Variants in FBN2 observed in about 807,000 individuals in gnomAD.
FBN2 encodes the protein fibrillin-2.
FBN2 carries 105 observed loss-of-function variants against 355.6 expected under a neutral mutation model. The ratio of observed to expected loss-of-function variants is 0.30; its 90% confidence interval spans 0.25 to 0.35. FBN2 has a LOEUF of 0.35. FBN2 is among the 10% of genes least tolerant of loss of function. The probability of loss-of-function intolerance (pLI) is 1.00; values close to 1 mark genes in which losing one functional copy is unlikely to be tolerated. For missense variants in FBN2, 3,280 were observed against 3,758.7 expected (o/e 0.87, Z 3.33); for synonymous variants, 1,350 against 1,301.2 (o/e 1.04, Z -0.81).
At chr5:128,290,004 TAAG>T (rs1749276509) in intron 50 of FBN2, 57 bp from the exon 51 acceptor site, 2 of 981,326 alleles carry the variant, frequency 2.0e-6, no homozygotes, top group South Asian at 2.6e-5. Context: ...TCAAAGAACT[TAAG>T]AAAGGATGAA....
Position 128,309,990 on chromosome 5 carries a change from G to A in FBN2, c.5193C>T (p.Asn1731=). 2.5e-6 allele frequency: 4 copies of A among 1,613,882 alleles called. No individual in the cohort carries two copies. The South Asian group carries it at 4.4e-5, about 18-fold the overall frequency. ...PEYMQVNGGH[N]CMDMRKSFCY... ...TCAGAGTTCTTTACCTACCCATGCA[G>A]TTGTGGCCTCCATTGACCTGCATGT... The change falls in exon 40 of 65, where the codon AAC becomes AAT. Residue 1731 remains asparagine (N), a synonymous_variant. Coordinates refer to ENST00000262464, the MANE Select transcript of FBN2 (RefSeq NM_001999.4).
intron 19 of FBN2, among the ~76,000 whole-genome samples, chr5:128,361,339 A>T (rs1426815193): frequency 1.3e-5 from 2 of 152,234 alleles, no homozygotes; most frequent in African/African-American, 4.8e-5. Flanking sequence ...CCTAAGAGTT[A>T]ACTTTTCCAT....
chr5:128,288,771 C>T (rs1031540601), intron 52 of FBN2, among the ~76,000 whole-genome samples: 5 of 152,204 alleles, frequency 3.3e-5, no homozygotes, highest in African/African-American at 1.2e-4. Flanking sequence ...CAGCAATACT[C>T]GCCCTAAAGA....
At chr5:128,419,950 C>A (rs1035512367) in intron 7 of FBN2, among the ~76,000 whole-genome samples, 10 of 152,304 alleles carry the variant, frequency 6.6e-5, no homozygotes, top group Non-Finnish European at 1.0e-4. Flanking sequence ...CCACCTTGGC[C>A]TCCCAAAGTG....
intron 5 of FBN2, among the ~76,000 whole-genome samples, chr5:128,492,386 C>A (rs1755532110): frequency 6.6e-6 from 1 of 152,110 alleles, no homozygotes; most frequent in Non-Finnish European, 1.5e-5. Flanking sequence ...ATTAAGGAGA[C>A]CTCTGAATTA....
intron 27 of FBN2, among the ~76,000 whole-genome samples, chr5:128,336,691 T>A (rs1423092835): frequency 6.6e-6 from 1 of 152,218 alleles, no homozygotes; most frequent in Non-Finnish European, 1.5e-5. Flanking sequence ...GTCGGGATAG[T>A]AATCTACAAA....
At chr5:128,289,033 TCCC>T (rs903847422) in intron 52 of FBN2, 91 bp downstream of exon 52, 3 of 1,302,986 alleles carry the variant, frequency 2.3e-6, no homozygotes, top group Non-Finnish European at 3.3e-6. Context: ...GATTTGTAAA[TCCC>T]CCCATCACCC....
intron 5 of FBN2, among the ~76,000 whole-genome samples, chr5:128,477,813 G>A (rs1198096277): frequency 1.3e-5 from 2 of 152,204 alleles, no homozygotes; most frequent in Non-Finnish European, 2.9e-5. Flanking sequence ...GTGCGAGGGG[G>A]CTGGGGGGAG....
In FBN2 at chr5:128,394,337, A is replaced by C. The variant is rs546485950; in HGVS notation, c.1231+785T>G. ...AGAGGAACTACTTCTCATTAACCCT[A>C]ATTTCCCAATATAGCATCATTTATA... On this transcript the variant is annotated intron_variant, in intron 9 of 64. Coordinates refer to ENST00000262464, the MANE Select transcript of FBN2 (RefSeq NM_001999.4). Among the ~76,000 whole-genome samples the C allele has an allele frequency of 2.0e-5, 3 of 152,290 alleles. No individual in the cohort carries two copies. The East Asian group carries it at 5.8e-4, about 29-fold the overall frequency.
intron 7 of FBN2, among the ~76,000 whole-genome samples, chr5:128,437,167 C>T (rs778917367): frequency 1.3e-5 from 2 of 152,186 alleles, no homozygotes; most frequent in Non-Finnish European, 2.9e-5. Flanking sequence ...TGGTACAACA[C>T]TGCACAGAGT....
chr5:128,267,706 G>A (rs2126799667), intron 62 of FBN2, among the ~76,000 whole-genome samples: 1 of 152,248 alleles, frequency 6.6e-6, no homozygotes, highest in South Asian at 2.1e-4. Context: ...GTTCCTTGCA[G>A]ATTCTGGATA....
chr5:128,281,413 A>C (rs1197147614), intron 55 of FBN2, among the ~76,000 whole-genome samples: 1 of 152,240 alleles, frequency 6.6e-6, no homozygotes, highest in Admixed American at 6.5e-5. Context: ...CTTAATGAAT[A>C]ATTTTCTATC....
intron 11 of FBN2, among the ~76,000 whole-genome samples, chr5:128,387,814 T>C (rs773358062): frequency 2.6e-5 from 4 of 152,156 alleles, no homozygotes; most frequent in African/African-American, 9.7e-5. Flanking sequence ...AGAATGTATA[T>C]TTTGTTGTTG....
In FBN2 at chr5:128,305,546, G is replaced by A. The variant is rs779567163; in HGVS notation, c.5639C>T (p.Ala1880Val). Residue 1880 changes from alanine to valine, a missense_variant, in exon 44 of 65, where the codon GCG becomes GTG. Transcript: ENST00000262464. ...SPGSYRCECA[A>V]GFKLSPNGAC... Reference sequence around the variant, plus strand: ...CCCATTGGGTGAAAGTTTGAAACCCGCGGCACATTCACAGCGGTAACTACC... The same window carrying A: ...CCCATTGGGTGAAAGTTTGAAACCCACGGCACATTCACAGCGGTAACTACC... 18 of 1,614,026 alleles carry A rather than the reference G, an allele frequency of 1.1e-5. No individual in the cohort carries two copies. Among genetic ancestry groups the A allele is most frequent in the Admixed American group, 6.7e-5 (4 of 59,972 alleles).
At chr5:128,477,983 A>G (rs1293567169) in intron 5 of FBN2, among the ~76,000 whole-genome samples, 3 of 152,202 alleles carry the variant, frequency 2.0e-5, no homozygotes, top group African/African-American at 7.2e-5. Context: ...TAACCTCTAA[A>G]TAGAACCACG....
chr5:128,264,597 T>C (rs1287921895), intron 62 of FBN2, among the ~76,000 whole-genome samples: 1 of 152,252 alleles, frequency 6.6e-6, no homozygotes, highest in African/African-American at 2.4e-5. Flanking sequence ...ATATACAGCA[T>C]GTGGCTTGAC....
chr5:128,398,764 G>A (rs1752716053), intron 8 of FBN2, among the ~76,000 whole-genome samples: 1 of 152,206 alleles, frequency 6.6e-6, no homozygotes. Flanking sequence ...TGTTGTGGGA[G>A]GGACCTGGTG....
At chr5:128,359,605 A>G (rs1303226240) in intron 19 of FBN2, among the ~76,000 whole-genome samples, 1 of 152,096 alleles carries the variant, frequency 6.6e-6, no homozygotes, top group South Asian at 2.1e-4. Flanking sequence ...CTTTATTTAC[A>G]TAACATGAAC....
intron 39 of FBN2, 33 bp from the exon 40 acceptor site, chr5:128,310,141 A>C: frequency 1.3e-6 from 2 of 1,554,446 alleles, no homozygotes; most frequent in Non-Finnish European, 1.8e-6. Flanking sequence ...TTAATTAATA[A>C]ATCTATTTTT....
Sources: allele counts gnomAD v4.1 joint callset (sites outside exome capture counted in the v4.1 genomes callset), GRCh38; gene constraint gnomAD v4.1.1; transcripts MANE v1.5; gene names NCBI Gene and HGNC (gene_info 2026-07-23, HGNC 2026-07-21).